The following FER variants were observed in gnomAD, a reference collection of about 807,000 sequenced individuals.
FER encodes the protein FER tyrosine kinase, also known as tyrosine-protein kinase Fer.
FER carries 63 observed loss-of-function variants against 111.0 expected under a neutral mutation model. The ratio of observed to expected loss-of-function variants is 0.57; its 90% CI spans 0.46 to 0.70. The LOEUF is 0.70. FER is among the 30% of genes least tolerant of loss of function. The pLI, the probability that FER is intolerant of heterozygous loss-of-function variation, is 0.00. For synonymous variants in FER, 327 were observed against 313.9 expected (o/e 1.04, Z -0.44); for missense variants, 914 against 954.0 (o/e 0.96, Z 0.55).
chr5:109,080,269 T>G (rs192574274), intron 16 of FER, among the ~76,000 whole-genome samples: 2 of 152,244 alleles, frequency 1.3e-5, no homozygotes, highest in Admixed American at 6.5e-5. Flanking sequence ...AATGAAACAA[T>G]TTTAATTGCT....
At chr5:108,883,049 C>A (rs1419687799) in intron 8 of FER, among the ~76,000 whole-genome samples, 2 of 151,910 alleles carry the variant, frequency 1.3e-5, no homozygotes, top group Non-Finnish European at 2.9e-5. Flanking sequence ...ATACTACTTA[C>A]CATTTACTCA....
rs555561307 is a variant in FER at position 108,998,176 on chromosome 5, G to A, written c.1656+38829G>A. ...TCTTGCTGGCGTTCCAGGCACCACC[G>A]GGGTATGAAAAAAAAAAAAAAAAAA... On this transcript the variant is annotated intron_variant, in intron 13 of 19. Coordinates refer to ENST00000281092, the MANE Select transcript of FER (RefSeq NM_005246.4). 3.8e-3 allele frequency among the ~76,000 whole-genome samples: 559 copies of A among 146,928 alleles called. 3 individuals carry two copies. The highest frequency in any genetic ancestry group is 5.8e-3 in the Non-Finnish European group (386 of 66,932).
chr5:109,070,889 C>T (rs1775686714), intron 16 of FER, among the ~76,000 whole-genome samples: 1 of 151,888 alleles, frequency 6.6e-6, no homozygotes, highest in Non-Finnish European at 1.5e-5. Flanking sequence ...TTTCATGTAT[C>T]TTTTGCTGAA....
At chr5:109,020,239 G>A (rs1209420000) in intron 13 of FER, among the ~76,000 whole-genome samples, 1 of 151,796 alleles carries the variant, frequency 6.6e-6, no homozygotes, top group Non-Finnish European at 1.5e-5. Context: ...AAAACATCTT[G>A]CCTTGAGCAA....
intron 13 of FER, among the ~76,000 whole-genome samples, chr5:108,969,016 A>G (rs948927949): frequency 6.6e-5 from 10 of 152,170 alleles, no homozygotes; most frequent in Admixed American, 2.0e-4. Flanking sequence ...TTAAAATTTA[A>G]TAACAGTGTC....
At chr5:108,924,670 A>G in intron 10 of FER, 1 of 1,232,070 alleles carries the variant, frequency 8.1e-7, no homozygotes, top group Non-Finnish European at 1.0e-6. Flanking sequence ...GATGGAGCAG[A>G]AAATGAAATG....
At chr5:109,121,498 C>T (rs1291864807) in intron 17 of FER, among the ~76,000 whole-genome samples, 1 of 151,796 alleles carries the variant, frequency 6.6e-6, no homozygotes, top group African/African-American at 2.4e-5. Flanking sequence ...TCAGTTTATT[C>T]TTACTTTGAG....
chr5:108,846,049 C>T (rs1761996166), intron 5 of FER, among the ~76,000 whole-genome samples: 2 of 152,046 alleles, frequency 1.3e-5, no homozygotes, highest in Non-Finnish European at 2.9e-5. Flanking sequence ...TAATTTATCA[C>T]CTATGTCTAT....
chr5:108,955,865 TTA>T (rs533671475), intron 12 of FER, among the ~76,000 whole-genome samples: 1 of 151,680 alleles, frequency 6.6e-6, no homozygotes, highest in Admixed American at 6.6e-5. Context: ...CTTAATAAGT[TTA>T]TATATATATA....
chr5:108,924,526 C>T (rs1753479635), intron 10 of FER: 2 of 1,045,964 alleles, frequency 1.9e-6, no homozygotes, highest in Non-Finnish European at 2.4e-6. Flanking sequence ...TCCATGCCAA[C>T]AGGGGGAGAT....
At chr5:108,795,011 A>C (rs1755851314) in intron 2 of FER, among the ~76,000 whole-genome samples, 1 of 152,098 alleles carries the variant, frequency 6.6e-6, no homozygotes, top group African/African-American at 2.4e-5. Context: ...TTTTAATTCT[A>C]ATTACTCTTA....
chr5:108,895,585 C>T (rs916262030), intron 9 of FER, among the ~76,000 whole-genome samples: 1 of 152,184 alleles, frequency 6.6e-6, no homozygotes, highest in Non-Finnish European at 1.5e-5. Context: ...CCTTTTCTGA[C>T]ATTGTTCATC....
At chr5:108,895,609 G>T (rs923063179) in intron 9 of FER, among the ~76,000 whole-genome samples, 1 of 152,006 alleles carries the variant, frequency 6.6e-6, no homozygotes, top group Admixed American at 6.6e-5. Context: ...CCTCCTTCTT[G>T]TAAGTATTCT....
chr5:109,001,475 G>A (rs1316611437), intron 13 of FER, among the ~76,000 whole-genome samples: 1 of 152,114 alleles, frequency 6.6e-6, no homozygotes, highest in Non-Finnish European at 1.5e-5. Context: ...GTATTGATGG[G>A]ACATATCTCA....
In FER at chr5:109,002,477, A is replaced by T. The variant is rs371408006; in HGVS notation, c.1657-34945A>T. Among the ~76,000 whole-genome samples, 75 of 152,026 alleles carry T rather than the reference A, an allele frequency of 4.9e-4. No individual in the cohort carries two copies. In the East Asian group the frequency reaches 0.013, roughly 26 times the overall value. On this transcript the variant is annotated intron_variant, in intron 13 of 19. Coordinates refer to ENST00000281092, the MANE Select transcript of FER (RefSeq NM_005246.4). ...TACCTTATACAAAAATTAATTCAAGATGGATTAAAGACTTAAACGTTAGAC... is the reference window on the plus strand; with the variant it reads ...TACCTTATACAAAAATTAATTCAAGTTGGATTAAAGACTTAAACGTTAGAC...
At chr5:108,921,697 A>G (rs376635443) in intron 10 of FER, among the ~76,000 whole-genome samples, 7 of 152,142 alleles carry the variant, frequency 4.6e-5, no homozygotes, top group African/African-American at 7.2e-5. Context: ...GACGTTGACA[A>G]TGTTTTTTAC....
At chr5:108,899,657 A>G (rs1262042724) in intron 10 of FER, among the ~76,000 whole-genome samples, 1 of 151,718 alleles carries the variant, frequency 6.6e-6, no homozygotes, top group African/African-American at 2.4e-5. Flanking sequence ...AAAAAAAATT[A>G]GCTGGGTGTG....
chr5:108,948,993 G>A (rs755732825), intron 11 of FER, among the ~76,000 whole-genome samples: 5 of 151,984 alleles, frequency 3.3e-5, no homozygotes, highest in Non-Finnish European at 7.4e-5. Flanking sequence ...TGACATGGGT[G>A]CTATTTCAAT....
chr5:108,974,091 G>A (rs1218226200), intron 13 of FER, among the ~76,000 whole-genome samples: 1 of 152,140 alleles, frequency 6.6e-6, no homozygotes, highest in Non-Finnish European at 1.5e-5. Flanking sequence ...TATCTCTTGA[G>A]TTAACATTCA....
Sources: gnomAD v4.1 joint callset for allele counts (sites outside exome capture counted in the v4.1 genomes callset) on GRCh38, gnomAD v4.1.1 for gene constraint, MANE v1.5 for transcripts, NCBI Gene and HGNC (gene_info 2026-07-23, HGNC 2026-07-21) for gene names.